Variants in CLEC16A observed in about 807,000 individuals in gnomAD.
The protein encoded by CLEC16A is protein CLEC16A.
In CLEC16A, 51 loss-of-function variants were observed where a neutral mutation model predicts 109.5. That is an observed-to-expected ratio of 0.47 (90% CI 0.37 to 0.59). The LOEUF (loss-of-function observed/expected upper bound fraction) is 0.59. CLEC16A is among the 20% of genes least tolerant of loss of function. The pLI is 0.00. For synonymous variants in CLEC16A, 673 were observed against 564.2 expected, an observed-to-expected ratio of 1.19 and a Z score of -2.73; for missense variants, 1,339 against 1,394.0, an observed-to-expected ratio of 0.96 and a Z score of 0.63.
chr16:11,047,256 A>G (rs1488419740), intron 16 of CLEC16A, 36 bp from the exon 17 acceptor site: 3 of 1,571,592 alleles, frequency 1.9e-6, no homozygotes, highest in Non-Finnish European at 2.6e-6. Context: ...AAAAAATATG[A>G]ATAATCTCCT....
At chr16:10,984,655 A>G (rs537737092) in intron 10 of CLEC16A, among the ~76,000 whole-genome samples, 69 of 152,336 alleles carry the variant, frequency 4.5e-4, no homozygotes, top group Admixed American at 2.4e-3. Context: ...TCTCATGACA[A>G]CACACGGTCT....
chr16:11,085,359 C>T (rs1018012558), intron 19 of CLEC16A, among the ~76,000 whole-genome samples: 5 of 152,276 alleles, frequency 3.3e-5, no homozygotes, highest in African/African-American at 4.8e-5. Flanking sequence ...GGAGAAAGCA[C>T]GCTTGCTTCA....
intron 13 of CLEC16A, among the ~76,000 whole-genome samples, chr16:11,030,358 A>G (rs980091732): frequency 6.6e-6 from 1 of 152,238 alleles, no homozygotes; most frequent in Non-Finnish European, 1.5e-5. Flanking sequence ...CTGTTTTCCA[A>G]GATGCCTATA....
At position 10,996,917 on chromosome 16, in the gene CLEC16A, CA is replaced by C. The variant is rs139348344; in HGVS notation, c.1072-6155del. ...CTACCTTGTATTTAGGGCATTACAGCAATCCAACTTCATTGAAAATCCTCTT... is the reference window on the plus strand; with the variant it reads ...CTACCTTGTATTTAGGGCATTACAGCATCCAACTTCATTGAAAATCCTCTT... On this transcript the variant is annotated intron_variant, in intron 10 of 23. Coordinates refer to ENST00000409790, the MANE Select transcript of CLEC16A (RefSeq NM_015226.3). Among the ~76,000 whole-genome samples, 1,086 of 152,312 alleles carry C rather than the reference CA, an allele frequency of 7.1e-3. 9 individuals are homozygous for C. The highest frequency in any genetic ancestry group is 0.01 in the Non-Finnish European group (692 of 68,026).
At chr16:11,153,720 G>A (rs2054388296) in intron 22 of CLEC16A, among the ~76,000 whole-genome samples, 1 of 151,908 alleles carries the variant, frequency 6.6e-6, no homozygotes, top group South Asian at 2.1e-4. Flanking sequence ...TCATGCTTAA[G>A]AATACAGTAA....
chr16:10,967,669 C>A, intron 3 of CLEC16A, among the ~76,000 whole-genome samples: 1 of 152,202 alleles, frequency 6.6e-6, no homozygotes. Context: ...CTACTACTGT[C>A]CTGAGTGCTT....
At chr16:11,056,208 A>G (rs1247283324) in intron 18 of CLEC16A, among the ~76,000 whole-genome samples, 1 of 152,140 alleles carries the variant, frequency 6.6e-6, no homozygotes, top group Non-Finnish European at 1.5e-5. Context: ...AGTCAGACCA[A>G]CCACGGGTCA....
At chr16:11,078,593 T>A (rs993623915) in intron 19 of CLEC16A, among the ~76,000 whole-genome samples, 5 of 152,158 alleles carry the variant, frequency 3.3e-5, no homozygotes, top group Admixed American at 2.6e-4. Context: ...AGATCCCTCA[T>A]GGGTGAATGA....
intron 19 of CLEC16A, among the ~76,000 whole-genome samples, chr16:11,102,535 A>G (rs1597388781): frequency 1.3e-5 from 2 of 152,232 alleles, no homozygotes; most frequent in East Asian, 3.8e-4. Flanking sequence ...ACGGCTATAA[A>G]TGTGTCCCCT....
chr16:11,047,641 A>G (rs2047704868), intron 17 of CLEC16A: 1 of 239,882 alleles, frequency 4.2e-6, no homozygotes, highest in Admixed American at 5.6e-5. Flanking sequence ...GGATGTATAT[A>G]GCATGCTGTA....
chr16:10,980,618 C>T (rs191120950), intron 9 of CLEC16A, among the ~76,000 whole-genome samples: 337 of 152,212 alleles, frequency 2.2e-3, no homozygotes, highest in Admixed American at 3.5e-3. Context: ...CTCTGAGACT[C>T]CTCCCTCACC....
chr16:11,111,347 G>A (rs565325899), intron 19 of CLEC16A, among the ~76,000 whole-genome samples: 1 of 152,276 alleles, frequency 6.6e-6, no homozygotes, highest in African/African-American at 2.4e-5. Flanking sequence ...CCTGGACCTT[G>A]GTTTCTCTCT....
At chr16:11,117,162 A>C in intron 19 of CLEC16A, among the ~76,000 whole-genome samples, 1 of 152,228 alleles carries the variant, frequency 6.6e-6, no homozygotes, top group East Asian at 1.9e-4. Flanking sequence ...AGCGATAGAC[A>C]CTGTGTACTG....
At chr16:10,971,828 C>A (rs2042805026) in intron 5 of CLEC16A, among the ~76,000 whole-genome samples, 1 of 152,242 alleles carries the variant, frequency 6.6e-6, no homozygotes, top group African/African-American at 2.4e-5. Flanking sequence ...ATTGCCCTTC[C>A]AAGGCGATGC....
At chr16:10,955,048 G>A (rs917855780) in intron 1 of CLEC16A, among the ~76,000 whole-genome samples, 1 of 152,186 alleles carries the variant, frequency 6.6e-6, no homozygotes, top group African/African-American at 2.4e-5. Context: ...AGCCTTGACT[G>A]TTCCCACCAC....
At chr16:11,058,835 A>G (rs2152899833) in intron 18 of CLEC16A, among the ~76,000 whole-genome samples, 1 of 152,316 alleles carries the variant, frequency 6.6e-6, no homozygotes, top group South Asian at 2.1e-4. Flanking sequence ...AAACCCCAAG[A>G]GGAACAGGCG....
chr16:11,042,098 C>A, intron 14 of CLEC16A, 156 bp from the exon 15 acceptor site: 1 of 596,588 alleles, frequency 1.7e-6, no homozygotes, highest in Middle Eastern at 3.1e-4. Flanking sequence ...ATGGTTTGGG[C>A]ATGGGGGGTT....
In CLEC16A at chr16:11,149,855, G is replaced by A. The variant is rs533156073; in HGVS notation, c.2642-16533G>A. The A allele has an allele frequency of 4.6e-5, 7 of 151,708 alleles. No individual in the cohort carries two copies. In the East Asian group the frequency reaches 1.4e-3, roughly 29 times the overall value. 9.4% of individuals were successfully genotyped at this position (151,708 alleles called of 1,614,324 possible). A position where few individuals can be genotyped will look rare whatever the true frequency, so the allele number is the denominator to read the frequency against. On this transcript the variant is annotated intron_variant, in intron 22 of 23. Transcript: ENST00000409790. ...CCCCATCAGTTACCACCCTTCCTCA[G>A]TCATCATTTGCCTTATTTTTATTTT... is the stretch of plus-strand genomic sequence containing the variant.
chr16:11,174,451 C>G lies in CLEC16A; in HGVS notation c.2807-3884C>G, dbSNP rs2141021365. 6.6e-6 allele frequency among the ~76,000 whole-genome samples: 1 copy of G among 152,396 alleles called. No individual in the cohort carries two copies. Among genetic ancestry groups the G allele is most frequent in the South Asian group, 2.1e-4 (1 of 4,830 alleles). ...AAAGTTGGTTCTCCCTGCTCCCTGT[C>G]TGGCCTCACCTCATGTGAAGACCAG... On this transcript the variant is annotated intron_variant, in intron 23 of 23. Coordinates refer to ENST00000409790, the MANE Select transcript of CLEC16A (RefSeq NM_015226.3). This position sits in a 1 kb window ranked among gnomAD's most constrained non-coding sequence, Gnocchi z 4.7.
Sources: gnomAD v4.1 joint callset for allele counts (sites outside exome capture counted in the v4.1 genomes callset) on GRCh38, gnomAD v4.1.1 for gene constraint, Gnocchi (gnomAD v3.1) non-coding constraint, MANE v1.5 for transcripts, NCBI Gene and HGNC (gene_info 2026-07-23, HGNC 2026-07-21) for gene names.